The following PPARGC1A variants were observed in gnomAD, a reference collection of about 807,000 sequenced individuals.
The protein encoded by PPARGC1A is PPARG coactivator 1 alpha, also known as peroxisome proliferator-activated receptor gamma coactivator 1-alpha.
Under a neutral mutation model 88.7 loss-of-function variants are expected in PPARGC1A, and 25 were observed. That is an observed-to-expected ratio of 0.28 (90% CI 0.21 to 0.39). The LOEUF (loss-of-function observed/expected upper bound fraction) is 0.39. Among genes scored for constraint, PPARGC1A ranks in the 10% least tolerant of loss-of-function variants. PPARGC1A has a pLI of 1.00. For synonymous variants in PPARGC1A, 363 were observed against 355.6 expected (o/e 1.02, Z -0.24); for missense variants, 880 against 968.7 (o/e 0.91, Z 1.22).
At chr4:23,990,985 C>T in the PPARGC1A span, among the ~76,000 whole-genome samples, 1 of 151,676 alleles carries the variant, frequency 6.6e-6, no homozygotes, top group Admixed American at 6.6e-5. Flanking sequence ...TTGGAAGCTG[C>T]AATCAAACTA....
At chr4:24,470,217 G>C in the PPARGC1A span, among the ~76,000 whole-genome samples, 1 of 149,626 alleles carries the variant, frequency 6.7e-6, no homozygotes, top group African/African-American at 2.5e-5. This position sits in a 1 kb window ranked among gnomAD's most constrained non-coding sequence, Gnocchi z 5.8. Flanking sequence ...CAAGCCTTTC[G>C]TACCCGCCTC....
the PPARGC1A span, among the ~76,000 whole-genome samples, chr4:24,236,380 C>T: frequency 1.3e-5 from 2 of 152,152 alleles, no homozygotes; most frequent in Non-Finnish European, 2.9e-5. Context: ...TGATACCTCC[C>T]TTTATCTTGA....
chr4:23,991,335 T>C, the PPARGC1A span, among the ~76,000 whole-genome samples: 2 of 152,096 alleles, frequency 1.3e-5, no homozygotes, highest in African/African-American at 4.8e-5. Context: ...CAATAAATAT[T>C]TGTCAAGTAG....
the PPARGC1A span, among the ~76,000 whole-genome samples, chr4:24,233,691 GA>G: frequency 6.6e-6 from 1 of 151,700 alleles, no homozygotes; most frequent in Non-Finnish European, 1.5e-5. Context: ...TCCTTCTCTA[GA>G]ATGGAGCTAA....
chr4:24,235,103 TAAC>T, the PPARGC1A span, among the ~76,000 whole-genome samples: 314 of 152,190 alleles, frequency 2.1e-3, 1 homozygote, highest in Non-Finnish European at 3.7e-3. Context: ...ACTGGCCACT[TAAC>T]AACCACCAAG....
the PPARGC1A span, among the ~76,000 whole-genome samples, chr4:24,204,674 G>A: frequency 1.3e-5 from 2 of 152,074 alleles, no homozygotes; most frequent in South Asian, 4.1e-4. Context: ...CCCTTCCTTT[G>A]CGACTCAGTA....
chr4:23,852,960 C>T (rs904610824), intron 2 of PPARGC1A, among the ~76,000 whole-genome samples: 15 of 152,250 alleles, frequency 9.9e-5, no homozygotes, highest in Middle Eastern at 6.8e-3. Context: ...TTGTCTTTTG[C>T]AGGTTAACAG....
intron 10 of PPARGC1A, 56 bp from the exon 11 acceptor site, chr4:23,802,401 C>G (rs762041240): frequency 6.2e-7 from 1 of 1,607,894 alleles, no homozygotes; most frequent in Non-Finnish European, 8.5e-7. Flanking sequence ...AGCCCTCGGC[C>G]GGGCACAGTG....
At chr4:23,946,031 A>G in the PPARGC1A span, among the ~76,000 whole-genome samples, 2 of 152,080 alleles carry the variant, frequency 1.3e-5, no homozygotes, top group African/African-American at 4.8e-5. Context: ...CCAGGGCAGA[A>G]TCCGCTGTCT....
At chr4:24,160,485 A>G in the PPARGC1A span, among the ~76,000 whole-genome samples, 2 of 152,178 alleles carry the variant, frequency 1.3e-5, no homozygotes, top group Non-Finnish European at 1.5e-5. Context: ...CATCATGCCT[A>G]TGTCTCCTCT....
chr4:24,276,244 A>C, the PPARGC1A span, among the ~76,000 whole-genome samples: 1 of 152,194 alleles, frequency 6.6e-6, no homozygotes, highest in South Asian at 2.1e-4. Context: ...GGTAGAAGCC[A>C]TGATTATAGC....
intron 10 of PPARGC1A, among the ~76,000 whole-genome samples, chr4:23,812,531 G>A (rs574124371): frequency 1.4e-4 from 21 of 152,264 alleles, no homozygotes; most frequent in African/African-American, 5.1e-4. Flanking sequence ...AAATGAAACT[G>A]TGAGTGAGAA....
chr4:24,446,070 A>C, the PPARGC1A span, among the ~76,000 whole-genome samples: 1 of 152,262 alleles, frequency 6.6e-6, no homozygotes, highest in African/African-American at 2.4e-5. Flanking sequence ...TGTCTCAAAA[A>C]AATAAAAATA....
At chr4:23,996,743 A>G in the PPARGC1A span, among the ~76,000 whole-genome samples, 1 of 152,232 alleles carries the variant, frequency 6.6e-6, no homozygotes, top group Admixed American at 6.5e-5. Flanking sequence ...ATACAATCAC[A>G]ACTACTCAAC....
At chr4:23,848,530 AGCTAGAGGTG>A (rs769047382) in intron 2 of PPARGC1A, among the ~76,000 whole-genome samples, 1 of 152,196 alleles carries the variant, frequency 6.6e-6, no homozygotes, top group Non-Finnish European at 1.5e-5. Flanking sequence ...TGATGCTATC[AGCTAGAGGTG>A]GCCCTGGAAT....
At chr4:24,033,884 G>A in the PPARGC1A span, among the ~76,000 whole-genome samples, 13 of 152,250 alleles carry the variant, frequency 8.5e-5, no homozygotes, top group Middle Eastern at 3.4e-3. Flanking sequence ...TTCATTTACT[G>A]CTACATTTAA....
the PPARGC1A span, among the ~76,000 whole-genome samples, chr4:24,052,178 G>A: frequency 3.9e-5 from 6 of 152,148 alleles, no homozygotes; most frequent in African/African-American, 1.4e-4. Context: ...AGGAAAATGT[G>A]TCAGTTTGAG....
chr4:23,922,877 T>C, the PPARGC1A span, among the ~76,000 whole-genome samples: 1 of 152,218 alleles, frequency 6.6e-6, no homozygotes, highest in South Asian at 2.1e-4. Flanking sequence ...GATTTATCAC[T>C]GACACCTCTT....
chr4:24,155,159 C>A, the PPARGC1A span, among the ~76,000 whole-genome samples: 1 of 151,188 alleles, frequency 6.6e-6, no homozygotes, highest in South Asian at 2.1e-4. Context: ...AGTGTCACTG[C>A]TAACCTCAAC....
Sources: gnomAD v4.1 joint callset for allele counts (sites outside exome capture counted in the v4.1 genomes callset) on GRCh38, gnomAD v4.1.1 for gene constraint, Gnocchi (gnomAD v3.1) non-coding constraint, MANE v1.5 for transcripts, NCBI Gene and HGNC (gene_info 2026-07-23, HGNC 2026-07-21) for gene names.